RSU1: variants seen among roughly 807,000 people sequenced by gnomAD.
The protein encoded by RSU1 is rsu-1.
In RSU1, 26 loss-of-function variants were observed where a neutral mutation model predicts 31.1. The observed-to-expected ratio is 0.84, with a 90% CI of 0.61 to 1.16. The LOEUF is 1.16. RSU1 is among the 50% of genes most tolerant of loss of function. The pLI is 0.00. For missense variants in RSU1, 320 were observed against 339.1 expected (o/e 0.94, Z 0.44); for synonymous variants, 164 against 136.3 (o/e 1.20, Z -1.41).
intron 7 of RSU1, among the ~76,000 whole-genome samples, chr10:16,707,582 T>C (rs1051030312): frequency 6.6e-6 from 1 of 151,758 alleles, no homozygotes; most frequent in Non-Finnish European, 1.5e-5. Flanking sequence ...TTTTTTTTTT[T>C]TTGCTGTTAT....
rs146771466 is a variant in RSU1 at position 16,661,452 on chromosome 10, G to T, written c.731+33571C>A. 4.6e-3 allele frequency among the ~76,000 whole-genome samples: 706 copies of T among 152,098 alleles called. 5 individuals carry two copies. The highest frequency in any genetic ancestry group is 0.016 in the African/African-American group (655 of 41,480). ...AATGCCACAGAGTTCCACCAATTTG[G>T]AAACAAATTATCTACATTTTTTAAA... is the stretch of plus-strand genomic sequence containing the variant. On this transcript the variant is annotated intron_variant, in intron 8 of 8. Coordinates refer to ENST00000345264, the MANE Select transcript of RSU1 (RefSeq NM_012425.4).
chr10:16,698,166 G>A (rs1390373181), intron 7 of RSU1, among the ~76,000 whole-genome samples: 1 of 151,788 alleles, frequency 6.6e-6, no homozygotes, highest in South Asian at 2.1e-4. Context: ...ACACACACAA[G>A]TCTCAGCTAT....
chr10:16,743,800 T>A (rs1291578128), intron 7 of RSU1, among the ~76,000 whole-genome samples: 2 of 152,160 alleles, frequency 1.3e-5, no homozygotes, highest in Non-Finnish European at 2.9e-5. Flanking sequence ...ATTCTAGACA[T>A]AGTTAATAAT....
chr10:16,591,534 C>T lies in RSU1; in HGVS notation c.*1860G>A, dbSNP rs931644358. The T allele has an allele frequency of 6.6e-6, 1 of 152,148 alleles. No homozygotes were observed. Among genetic ancestry groups the T allele is most frequent in the Admixed American group, 6.5e-5 (1 of 15,274 alleles). 9.4% of individuals were successfully genotyped at this position (152,148 alleles called of 1,614,324 possible). A position where few individuals can be genotyped will look rare whatever the true frequency, so the allele number is the denominator to read the frequency against. On this transcript the variant is annotated 3_prime_UTR_variant, in exon 9 of 9. Coordinates refer to ENST00000345264, the MANE Select transcript of RSU1 (RefSeq NM_012425.4). ...TGTTTATTTCATGTTACTCCTCTTG[C>T]ACTTAATACTGCCTTAAAAAATATT...
Position 16,752,608 on chromosome 10 carries a change from C to G in RSU1, c.529G>C (p.Gly177Arg). Residue 177 changes from glycine to arginine, a missense_variant, in exon 7 of 9, where the codon GGG becomes CGG. Coordinates refer to ENST00000345264, the MANE Select transcript of RSU1 (RefSeq NM_012425.4). ...NDLISLPKEI[G>R]ELTQLKELHI... is the part of the protein sequence containing the mutation. ...AGCTCTTTAAGCTGGGTAAGCTCCC[C>G]GATTTCCTTAGGCAGCGAGATCAGG... 1 of 1,614,090 alleles carries G rather than the reference C, an allele frequency of 6.2e-7. No individual in the cohort carries two copies. The highest frequency in any genetic ancestry group is 2.2e-5 in the East Asian group (1 of 44,874).
At chr10:16,774,509 G>A (rs1391868668) in intron 3 of RSU1, among the ~76,000 whole-genome samples, 1 of 152,196 alleles carries the variant, frequency 6.6e-6, no homozygotes, top group African/African-American at 2.4e-5. Context: ...GATGGAGGTT[G>A]CAGTGAGCCG....
chr10:16,734,082 G>A (rs1337895090), intron 7 of RSU1, among the ~76,000 whole-genome samples: 1 of 152,186 alleles, frequency 6.6e-6, no homozygotes, highest in Non-Finnish European at 1.5e-5. Flanking sequence ...AACACACAAA[G>A]TGACAGATTT....
At chr10:16,719,292 A>C (rs976565786) in intron 7 of RSU1, among the ~76,000 whole-genome samples, 1 of 152,180 alleles carries the variant, frequency 6.6e-6, no homozygotes, top group Non-Finnish European at 1.5e-5. Context: ...TGCGCAACTG[A>C]GGGAAACTCC....
chr10:16,766,017 T>C (rs1466040478), intron 3 of RSU1, among the ~76,000 whole-genome samples: 2 of 152,252 alleles, frequency 1.3e-5, no homozygotes, highest in Non-Finnish European at 2.9e-5. Flanking sequence ...ACGTTGCTTA[T>C]TATAGTTTTG....
At chr10:16,763,952 T>A (rs1473803270) in intron 4 of RSU1, among the ~76,000 whole-genome samples, 2 of 152,140 alleles carry the variant, frequency 1.3e-5, no homozygotes, top group South Asian at 4.1e-4. Context: ...AAGAATTGCA[T>A]AAATGAATGA....
At chr10:16,629,938 G>C (rs1834220950) in intron 8 of RSU1, among the ~76,000 whole-genome samples, 1 of 151,992 alleles carries the variant, frequency 6.6e-6, no homozygotes, top group African/African-American at 2.4e-5. Flanking sequence ...TGTTATAACA[G>C]CCACCCTCAT....
intron 8 of RSU1, among the ~76,000 whole-genome samples, chr10:16,660,412 T>A (rs890697527): frequency 6.6e-6 from 1 of 152,180 alleles, no homozygotes; most frequent in African/African-American, 2.4e-5. Flanking sequence ...TCCATGAAAC[T>A]GTGGGAAGCT....
At chr10:16,808,818 C>T (rs1444645429) in intron 2 of RSU1, among the ~76,000 whole-genome samples, 1 of 152,156 alleles carries the variant, frequency 6.6e-6, no homozygotes, top group East Asian at 1.9e-4. Context: ...AAAATGAGGT[C>T]CTTAAGGTGG....
At chr10:16,774,287 T>C (rs1000845496) in intron 3 of RSU1, among the ~76,000 whole-genome samples, 3 of 152,132 alleles carry the variant, frequency 2.0e-5, no homozygotes, top group African/African-American at 7.2e-5. Flanking sequence ...CATCTAAAGT[T>C]TTATACAAAT....
At chr10:16,634,517 A>G (rs2131494475) in intron 8 of RSU1, among the ~76,000 whole-genome samples, 1 of 152,296 alleles carries the variant, frequency 6.6e-6, no homozygotes, top group Admixed American at 6.5e-5. Flanking sequence ...GGTTTTTTGA[A>G]AGAATATGTG....
intron 7 of RSU1, among the ~76,000 whole-genome samples, chr10:16,732,225 G>A (rs938561513): frequency 4.6e-5 from 7 of 152,154 alleles, no homozygotes; most frequent in Non-Finnish European, 1.0e-4. Flanking sequence ...ATATACCACT[G>A]CTTTGCATTT....
rs369457885 is a variant in RSU1, at chr10:16,764,458, A to G, written c.213T>C (p.Phe71=). 2 of 1,613,890 alleles carry G rather than the reference A, an allele frequency of 1.2e-6. No individual in the cohort carries two copies. ...ELKNLEVLNF[F]NNQIEELPTQ... ...TGGGCAGCTCCTCGATTTGGTTATTAAAAAAGTTGAGCACCTCCAAATTCT... is the reference window on the plus strand; with the variant it reads ...TGGGCAGCTCCTCGATTTGGTTATTGAAAAAGTTGAGCACCTCCAAATTCT... The change falls in exon 4 of 9, where the codon TTT becomes TTC. Residue 71 remains phenylalanine (F), a synonymous_variant. Coordinates refer to ENST00000345264, the MANE Select transcript of RSU1 (RefSeq NM_012425.4).
chr10:16,771,343 A>G (rs368759439), intron 3 of RSU1, among the ~76,000 whole-genome samples: 8 of 152,320 alleles, frequency 5.3e-5, no homozygotes, highest in East Asian at 3.9e-4. Context: ...AAGGGAGGAA[A>G]AAATCAAATT....
intron 8 of RSU1, among the ~76,000 whole-genome samples, chr10:16,599,738 C>T (rs1320606182): frequency 2.6e-5 from 4 of 152,254 alleles, no homozygotes; most frequent in Non-Finnish European, 4.4e-5. Context: ...GCTTCTCTGA[C>T]GCAGGCTACC....
Sources: allele counts gnomAD v4.1 joint callset (sites outside exome capture counted in the v4.1 genomes callset), GRCh38; gene constraint gnomAD v4.1.1; transcripts MANE v1.5; gene names NCBI Gene and HGNC (gene_info 2026-07-23, HGNC 2026-07-21).